The following THSD7B variants were observed in gnomAD, a reference collection of about 807,000 sequenced individuals.
THSD7B encodes thrombospondin type 1 domain containing 7B.
THSD7B carries 138 observed loss-of-function variants against 213.6 expected under a neutral mutation model. The ratio of observed to expected loss-of-function variants is 0.65; its 90% CI spans 0.56 to 0.74. The LOEUF (loss-of-function observed/expected upper bound fraction) is 0.74. Ranked by LOEUF, THSD7B falls within the 30% of genes least tolerant of loss-of-function variation. The pLI is 0.00. For missense variants in THSD7B, 1,931 were observed against 1,991.5 expected, an observed-to-expected ratio of 0.97 and a Z score of 0.58; for synonymous variants, 742 against 687.0, an observed-to-expected ratio of 1.08 and a Z score of -1.25.
intron 12 of THSD7B, among the ~76,000 whole-genome samples, chr2:137,277,968 A>C (rs115583514): frequency 0.016 from 2,495 of 152,146 alleles, 60 homozygotes; most frequent in African/African-American, 0.056. Context: ...TTGTGGGAGC[A>C]TGGAGATGTA....
At chr2:136,864,475 G>A (rs1407479744) in intron 1 of THSD7B, among the ~76,000 whole-genome samples, 2 of 152,034 alleles carry the variant, frequency 1.3e-5, no homozygotes, top group African/African-American at 4.8e-5. Flanking sequence ...ATGTATTTTT[G>A]CTCATAATTT....
At chr2:137,520,053 G>A (rs1234349972) in intron 15 of THSD7B, among the ~76,000 whole-genome samples, 1 of 152,208 alleles carries the variant, frequency 6.6e-6, no homozygotes. Context: ...ATGCTAAAAG[G>A]TAAAGACTTC....
intron 21 of THSD7B, among the ~76,000 whole-genome samples, chr2:137,652,566 T>C (rs960857191): frequency 6.6e-6 from 1 of 152,126 alleles, no homozygotes; most frequent in Non-Finnish European, 1.5e-5. Flanking sequence ...TCAGTGTTAT[T>C]GATAGGAACT....
At chr2:137,070,712 T>C (rs1166497116) in intron 3 of THSD7B, among the ~76,000 whole-genome samples, 2 of 147,270 alleles carry the variant, frequency 1.4e-5, no homozygotes, top group African/African-American at 2.5e-5. Context: ...TCCCTCCCCC[T>C]GTCCCCCACC....
intron 2 of THSD7B, among the ~76,000 whole-genome samples, chr2:136,985,289 C>G (rs566676239): frequency 6.6e-6 from 1 of 152,122 alleles, no homozygotes; most frequent in East Asian, 1.9e-4. Context: ...TCAAGTCAGC[C>G]GCTCTCATCA....
chr2:137,070,946 T>A (rs187220182), intron 3 of THSD7B, among the ~76,000 whole-genome samples: 1 of 152,246 alleles, frequency 6.6e-6, no homozygotes, highest in Admixed American at 6.5e-5. Flanking sequence ...CCACATTTTC[T>A]TAATCCAATC....
chr2:137,126,245 C>T (rs989139208), intron 5 of THSD7B, among the ~76,000 whole-genome samples: 1 of 152,164 alleles, frequency 6.6e-6, no homozygotes, highest in African/African-American at 2.4e-5. Context: ...TAGATGGCAT[C>T]TTCTTCCAAT....
At chr2:137,186,619 T>C (rs1680557040) in intron 7 of THSD7B, among the ~76,000 whole-genome samples, 1 of 152,202 alleles carries the variant, frequency 6.6e-6, no homozygotes, top group African/African-American at 2.4e-5. Context: ...TGTTGTCTTG[T>C]AGTGTAGTTT....
chr2:137,457,108 T>G (rs2105074383), intron 15 of THSD7B, among the ~76,000 whole-genome samples: 1 of 152,292 alleles, frequency 6.6e-6, no homozygotes, highest in South Asian at 2.1e-4. Context: ...TCCCCCAACA[T>G]TTGTATCCAC....
intron 12 of THSD7B, among the ~76,000 whole-genome samples, chr2:137,331,510 C>A (rs915514810): frequency 5.9e-5 from 9 of 152,234 alleles, no homozygotes; most frequent in African/African-American, 2.2e-4. Context: ...AGGTTCTCCA[C>A]GTCCCCACCA....
intron 3 of THSD7B, among the ~76,000 whole-genome samples, chr2:137,076,309 C>T (rs897912259): frequency 5.3e-4 from 81 of 152,370 alleles, no homozygotes; most frequent in African/African-American, 1.9e-3. Flanking sequence ...CTCCCCCAGC[C>T]TCGCTGCCGC....
At chr2:137,156,190 T>A (rs1295151654) in intron 5 of THSD7B, 1 of 152,228 alleles carries the variant, frequency 6.6e-6, no homozygotes, top group East Asian at 1.9e-4. Flanking sequence ...GGTCTGAAGC[T>A]GGTAAGTTCT....
intron 6 of THSD7B, among the ~76,000 whole-genome samples, chr2:137,163,692 A>G (rs959690250): frequency 6.6e-6 from 1 of 152,220 alleles, no homozygotes; most frequent in Non-Finnish European, 1.5e-5. Context: ...ATACATTTCT[A>G]TTGATTTAAG....
intron 1 of THSD7B, among the ~76,000 whole-genome samples, chr2:136,796,925 C>T (rs1474163420): frequency 6.7e-6 from 1 of 150,262 alleles, no homozygotes; most frequent in Non-Finnish European, 1.5e-5. Flanking sequence ...TTTGGAAGAG[C>T]TTGGGAGGGT....
In THSD7B at chr2:137,120,514, AG is replaced by A. The variant is rs1186501187; in HGVS notation, c.1369+5222del. ...AGGGAGAATGGAGCAGAGAGAAGGGAGAGGGGATGGGGAAGGGGAGAGCAGG... is the reference window on the plus strand; with the variant it reads ...AGGGAGAATGGAGCAGAGAGAAGGGAAGGGGATGGGGAAGGGGAGAGCAGG... On this transcript the variant is annotated intron_variant, in intron 5 of 27. Coordinates refer to ENST00000409968, the MANE Select transcript of THSD7B (RefSeq NM_001316349.2). Among the ~76,000 whole-genome samples the A allele has an allele frequency of 2.0e-5, 3 of 151,424 alleles. No individual in the cohort carries two copies. In the East Asian group the frequency reaches 5.8e-4, roughly 29 times the overall value.
At chr2:137,444,997 T>G (rs1001989520) in intron 14 of THSD7B, among the ~76,000 whole-genome samples, 1 of 150,910 alleles carries the variant, frequency 6.6e-6, no homozygotes, top group African/African-American at 2.4e-5. Context: ...GGCCAACAGA[T>G]GTATAAAAAA....
chr2:136,861,028 A>C (rs1218947557), intron 1 of THSD7B, among the ~76,000 whole-genome samples: 1 of 152,346 alleles, frequency 6.6e-6, no homozygotes, highest in East Asian at 1.9e-4. Context: ...CATTTTGTTT[A>C]CTGCTGCATT....
chr2:136,904,553 G>C (rs1021045555), intron 2 of THSD7B, among the ~76,000 whole-genome samples: 1 of 146,004 alleles, frequency 6.8e-6, no homozygotes, highest in Non-Finnish European at 1.5e-5. Flanking sequence ...TGTTCACCAG[G>C]ATTGGAAACA....
At chr2:137,587,733 T>G (rs1681769267) in intron 17 of THSD7B, among the ~76,000 whole-genome samples, 1 of 152,206 alleles carries the variant, frequency 6.6e-6, no homozygotes, top group South Asian at 2.1e-4. Context: ...GTGTGAGGTG[T>G]CAATCTGCCC....
Sources: gnomAD v4.1 joint callset for allele counts (sites outside exome capture counted in the v4.1 genomes callset) on GRCh38, gnomAD v4.1.1 for gene constraint, MANE v1.5 for transcripts, NCBI Gene and HGNC (gene_info 2026-07-23, HGNC 2026-07-21) for gene names.